Variants in CLASP2 observed in about 807,000 individuals in gnomAD.
The protein encoded by CLASP2 is CLIP-associating protein 2.
CLASP2 carries 47 observed loss-of-function variants against 194.4 expected under a neutral mutation model. The ratio of observed to expected loss-of-function variants is 0.24; its 90% CI spans 0.19 to 0.31. The LOEUF (loss-of-function observed/expected upper bound fraction) is 0.31. Among genes scored for constraint, CLASP2 ranks in the 10% least tolerant of loss-of-function variants. CLASP2 has a pLI of 1.00. For synonymous variants in CLASP2, 619 were observed against 633.5 expected (o/e 0.98, Z 0.34); for missense variants, 1,445 against 1,823.6 (o/e 0.79, Z 3.78).
chr3:33,657,208 G>A lies in CLASP2; in HGVS notation c.715+6237C>T, dbSNP rs72858345. ...ATGTTTTATATGTTTACATGATTCTGGTATAGTGTATGTGCACTGGATGTG... is the reference window on the plus strand; with the variant it reads ...ATGTTTTATATGTTTACATGATTCTAGTATAGTGTATGTGCACTGGATGTG... On this transcript the variant is annotated intron_variant, in intron 7 of 38. Coordinates refer to ENST00000682230, the MANE Select transcript of CLASP2 (RefSeq NM_001365631.1). Among the ~76,000 whole-genome samples, 1,319 of 152,092 alleles carry A rather than the reference G, an allele frequency of 8.7e-3. 20 individuals are homozygous for A. Among genetic ancestry groups the A allele is most frequent in the African/African-American group, 0.031 (1,266 of 41,482 alleles).
At chr3:33,642,118 T>C (rs942466763) in intron 8 of CLASP2, among the ~76,000 whole-genome samples, 2 of 151,962 alleles carry the variant, frequency 1.3e-5, no homozygotes, top group African/African-American at 4.8e-5. Flanking sequence ...TATTCAGAAC[T>C]GAAATGGGCT....
intron 7 of CLASP2, among the ~76,000 whole-genome samples, chr3:33,659,947 A>T (rs2085004113): frequency 6.6e-6 from 1 of 152,256 alleles, no homozygotes; most frequent in Non-Finnish European, 1.5e-5. Context: ...AGGTAATTTC[A>T]AAGCCTCATT....
intron 3 of CLASP2, 24 bp from the exon 4 acceptor site, chr3:33,688,392 G>A (rs998722485): frequency 8.6e-6 from 13 of 1,508,608 alleles, no homozygotes; most frequent in Admixed American, 6.4e-5. Flanking sequence ...AAGTAAAAAC[G>A]TATAACAAAA....
At chr3:33,581,684 T>C (rs1181643929) in intron 23 of CLASP2, 137 bp downstream of exon 23, 4 of 609,198 alleles carry the variant, frequency 6.6e-6, no homozygotes, top group Admixed American at 6.0e-5. Context: ...TGTAATTTCC[T>C]TTCCTCAAAA....
chr3:33,500,493 C>G (rs499109), intron 38 of CLASP2, among the ~76,000 whole-genome samples: 152,286 of 152,336 alleles, frequency 1, 76,118 homozygotes, highest in Middle Eastern at 1. Flanking sequence ...TTTTAACCTG[C>G]TAGCCATGGG....
At chr3:33,520,969 A>G (rs2052893809) in intron 34 of CLASP2, among the ~76,000 whole-genome samples, 1 of 152,076 alleles carries the variant, frequency 6.6e-6, no homozygotes, top group African/African-American at 2.4e-5. Flanking sequence ...TTCCCTTAAT[A>G]GGAACAATGG....
At chr3:33,514,285 C>T (rs986451369) in intron 36 of CLASP2, among the ~76,000 whole-genome samples, 1 of 149,948 alleles carries the variant, frequency 6.7e-6, no homozygotes, top group South Asian at 2.1e-4. Context: ...CCATGCCCAG[C>T]CAATTTTTTT....
chr3:33,684,273 A>G (rs187063240), intron 6 of CLASP2, 86 bp downstream of exon 6: 6 of 689,158 alleles, frequency 8.7e-6, no homozygotes, highest in Middle Eastern at 2.8e-4. Context: ...AATAAATAAA[A>G]AATACATTGA....
At position 33,644,803 on chromosome 3, in the gene CLASP2, G is replaced by C. The variant is rs1383172607; in HGVS notation, c.816C>G (p.Ala272=). Reference sequence around the variant, plus strand: ...CTGAACCAGGCTTCCTTGCACTGTTGGCAGGATTTCCGGATGTTTTAGGTG... The same window carrying C: ...CTGAACCAGGCTTCCTTGCACTGTTCGCAGGATTTCCGGATGTTTTAGGTG... ...VPAPKTSGNP[A]NSARKPGSAG... is the part of the protein sequence containing the mutation. Residue 272 remains alanine (A), a synonymous_variant, in exon 8 of 39, where the codon GCC becomes GCG. Coordinates refer to ENST00000682230, the MANE Select transcript of CLASP2 (RefSeq NM_001365631.1). 6.2e-6 allele frequency: 10 copies of C among 1,613,186 alleles called. No individual in the cohort carries two copies. Among genetic ancestry groups the C allele is most frequent in the Non-Finnish European group, 8.5e-6 (10 of 1,179,652 alleles).
intron 12 of CLASP2, among the ~76,000 whole-genome samples, chr3:33,615,276 G>A (rs1420344307): frequency 6.6e-6 from 1 of 150,890 alleles, no homozygotes; most frequent in African/African-American, 2.4e-5. Context: ...CAATGGGTAA[G>A]GGAAAAAATG....
At chr3:33,515,336 T>C (rs1158471483) in intron 36 of CLASP2, among the ~76,000 whole-genome samples, 2 of 152,222 alleles carry the variant, frequency 1.3e-5, no homozygotes, top group African/African-American at 2.4e-5. Flanking sequence ...TACCAAGTAC[T>C]ATGAAACAGG....
At chr3:33,627,846 G>C (rs899249200) in intron 9 of CLASP2, among the ~76,000 whole-genome samples, 3 of 152,156 alleles carry the variant, frequency 2.0e-5, no homozygotes, top group African/African-American at 7.2e-5. Context: ...ATATCATTAG[G>C]CAAAGTGGAC....
chr3:33,711,306 C>T (rs927202056), intron 1 of CLASP2, among the ~76,000 whole-genome samples: 2 of 148,104 alleles, frequency 1.4e-5, no homozygotes, highest in African/African-American at 2.5e-5. Context: ...AGTGTAGTGT[C>T]GCAATCTCAG....
At chr3:33,696,638 G>A (rs1043837653) in intron 2 of CLASP2, among the ~76,000 whole-genome samples, 4 of 151,646 alleles carry the variant, frequency 2.6e-5, no homozygotes, top group Non-Finnish European at 4.4e-5. Context: ...GCTAATTTTT[G>A]TATTTTTTGT....
chr3:33,621,191 T>C (rs896418799), intron 11 of CLASP2, among the ~76,000 whole-genome samples: 1 of 152,120 alleles, frequency 6.6e-6, no homozygotes. Context: ...AGGACAAAAT[T>C]CATACTGTTC....
At chr3:33,612,961 C>T (rs1408828712) in intron 12 of CLASP2, among the ~76,000 whole-genome samples, 2 of 151,694 alleles carry the variant, frequency 1.3e-5, no homozygotes, top group African/African-American at 4.8e-5. Flanking sequence ...ATCTAGTGTT[C>T]GATAGTTCAG....
chr3:33,499,970 C>G (rs2046466259), intron 38 of CLASP2, among the ~76,000 whole-genome samples: 1 of 152,042 alleles, frequency 6.6e-6, no homozygotes, highest in African/African-American at 2.4e-5. Flanking sequence ...CTGTGTCATT[C>G]TGCAGTCTTT....
At chr3:33,535,113 T>C in intron 34 of CLASP2, 120 bp downstream of exon 34, 2 of 683,468 alleles carry the variant, frequency 2.9e-6, no homozygotes, top group East Asian at 2.7e-5. Context: ...GGAGAAAACA[T>C]TCTTATTCTA....
At chr3:33,599,799 A>C (rs1175699353) in intron 18 of CLASP2, among the ~76,000 whole-genome samples, 1 of 152,174 alleles carries the variant, frequency 6.6e-6, no homozygotes, top group Non-Finnish European at 1.5e-5. Flanking sequence ...AAGGAGGGTA[A>C]GAAGGAGAAC....
Sources: allele counts gnomAD v4.1 joint callset (sites outside exome capture counted in the v4.1 genomes callset), GRCh38; gene constraint gnomAD v4.1.1; transcripts MANE v1.5; gene names NCBI Gene and HGNC (gene_info 2026-07-23, HGNC 2026-07-21).